ROBO2: variants seen among roughly 807,000 people sequenced by gnomAD.
ROBO2 encodes the protein roundabout guidance receptor 2, also known as roundabout homolog 2.
A neutral mutation model predicts 160.8 loss-of-function variants in ROBO2; 53 were observed. The ratio of observed to expected loss-of-function variants is 0.33; its 90% CI spans 0.26 to 0.41. The LOEUF (loss-of-function observed/expected upper bound fraction) is 0.41, where lower values mean the gene tolerates loss of function less well. ROBO2 is among the 10% of genes least tolerant of loss of function. The pLI is 1.00. For missense variants in ROBO2, 1,577 were observed against 1,722.4 expected (o/e 0.92, Z 1.49); for synonymous variants, 664 against 611.7 (o/e 1.09, Z -1.26).
chr3:76,150,559 C>T (rs966671065), intron 2 of ROBO2, among the ~76,000 whole-genome samples: 13 of 152,178 alleles, frequency 8.5e-5, no homozygotes, highest in Non-Finnish European at 1.6e-4. Context: ...ACGTTTAGCC[C>T]ATTCCCACCT....
In ROBO2 at chr3:76,262,826, A is replaced by G. The variant is rs943454685; in HGVS notation, c.109+325224A>G. Among the ~76,000 whole-genome samples the G allele has an allele frequency of 7.9e-5, 12 of 152,178 alleles. 1 individual carries two copies. Among genetic ancestry groups the G allele is most frequent in the African/African-American group, 2.9e-4 (12 of 41,464 alleles). ...AGAGAATAATCAGGACTTTGGGCTA[A>G]CTACAGAGCAATTATGCTTGGTAGG... On this transcript the variant is annotated intron_variant, in intron 2 of 26. Coordinates refer to the ROBO2 transcript ENST00000487694.
intron 2 of ROBO2, among the ~76,000 whole-genome samples, chr3:76,829,914 C>T (rs1053527089): frequency 3.3e-5 from 5 of 152,278 alleles, no homozygotes; most frequent in African/African-American, 1.2e-4. Flanking sequence ...GTGATCCACT[C>T]GCCTCGGCCT....
chr3:76,666,677 A>C (rs914290616), intron 2 of ROBO2, among the ~76,000 whole-genome samples: 8 of 152,022 alleles, frequency 5.3e-5, no homozygotes, highest in African/African-American at 1.7e-4. Flanking sequence ...TCATCCCACC[A>C]TCAAAACCTT....
intron 2 of ROBO2, among the ~76,000 whole-genome samples, chr3:77,175,064 A>G (rs947775189): frequency 1.3e-5 from 2 of 152,064 alleles, no homozygotes; most frequent in African/African-American, 2.4e-5. Flanking sequence ...TTTATAACTC[A>G]TATTTTTCAT....
chr3:76,377,390 C>T (rs1441102412), intron 2 of ROBO2, among the ~76,000 whole-genome samples: 18 of 152,000 alleles, frequency 1.2e-4, no homozygotes, highest in Admixed American at 1.0e-3. Context: ...AGAGATTGCA[C>T]GATGGTTGTT....
At chr3:77,052,622 G>A (rs1379087488) in intron 1 of ROBO2, among the ~76,000 whole-genome samples, 1 of 152,148 alleles carries the variant, frequency 6.6e-6, no homozygotes, top group Non-Finnish European at 1.5e-5. Flanking sequence ...TTAAAAGCTA[G>A]TTTTTCATGA....
intron 1 of ROBO2, among the ~76,000 whole-genome samples, chr3:75,916,480 TTA>T (rs1946811148): frequency 6.6e-6 from 1 of 152,186 alleles, no homozygotes; most frequent in Non-Finnish European, 1.5e-5. Flanking sequence ...CTACCAAGAA[TTA>T]TACTATATTG....
chr3:76,291,262 A>G (rs891242067), intron 2 of ROBO2, among the ~76,000 whole-genome samples: 1 of 151,884 alleles, frequency 6.6e-6, no homozygotes, highest in East Asian at 1.9e-4. Flanking sequence ...TGTCTTTTTC[A>G]TTGAATTTTG....
At chr3:76,643,665 C>A (rs1456905490) in intron 2 of ROBO2, among the ~76,000 whole-genome samples, 2 of 122,010 alleles carry the variant, frequency 1.6e-5, no homozygotes, top group African/African-American at 6.4e-5. Context: ...TTTATGTCTA[C>A]CCCTGTTTCT....
intron 2 of ROBO2, among the ~76,000 whole-genome samples, chr3:76,318,300 G>A (rs1213529734): frequency 6.6e-6 from 1 of 152,020 alleles, no homozygotes; most frequent in Non-Finnish European, 1.5e-5. Flanking sequence ...AAACGATGTT[G>A]GGAAGCGTAT....
intron 2 of ROBO2, among the ~76,000 whole-genome samples, chr3:76,319,128 T>C (rs2072292804): frequency 6.6e-6 from 1 of 152,154 alleles, no homozygotes; most frequent in African/African-American, 2.4e-5. Context: ...TGAAAAGTTA[T>C]CTTTCAGCCA....
exon 26 of ROBO2, chr3:77,647,221 A>G (rs1376249751): frequency 1.3e-5 from 2 of 152,294 alleles, no homozygotes; most frequent in Non-Finnish European, 2.9e-5. Flanking sequence ...TTAAAAAATA[A>G]TACAGTTTAT....
chr3:76,128,622 A>AGTGAGT (rs1553652817), intron 2 of ROBO2, among the ~76,000 whole-genome samples: 1 of 149,914 alleles, frequency 6.7e-6, no homozygotes, highest in African/African-American at 2.4e-5. Context: ...ATATGATATG[A>AGTGAGT]GTGTGTGTGT....
intron 1 of ROBO2, among the ~76,000 whole-genome samples, chr3:77,060,226 A>G (rs1464963318): frequency 6.6e-6 from 1 of 152,088 alleles, no homozygotes; most frequent in Non-Finnish European, 1.5e-5. Context: ...ACAGATCAGG[A>G]ATGAGGGTTG....
intron 2 of ROBO2, among the ~76,000 whole-genome samples, chr3:76,326,986 T>G (rs1227130192): frequency 6.6e-6 from 1 of 152,126 alleles, no homozygotes; most frequent in Non-Finnish European, 1.5e-5. Flanking sequence ...TTGTATCTTA[T>G]TTTCTTTTAC....
At chr3:76,641,325 T>A (rs930480689) in intron 2 of ROBO2, among the ~76,000 whole-genome samples, 1 of 152,192 alleles carries the variant, frequency 6.6e-6, no homozygotes, top group African/African-American at 2.4e-5. Flanking sequence ...TCAGGTACTC[T>A]TTGATATGAT....
chr3:76,267,921 A>G lies in ROBO2; in HGVS notation c.109+330319A>G, dbSNP rs149564213. 3.5e-3 allele frequency among the ~76,000 whole-genome samples: 538 copies of G among 152,298 alleles called. 6 individuals carry two copies. The highest frequency in any genetic ancestry group is 0.025 in the Admixed American group (381 of 15,284). On this transcript the variant is annotated intron_variant, in intron 2 of 26. Transcript: ENST00000487694. ...TCTTTCTGTACCTCACAGCTGTACT[A>G]TGCTTCACAGAAGTAGCTATGTCCT...
chr3:76,400,245 A>T (rs1385887152), intron 2 of ROBO2, among the ~76,000 whole-genome samples: 5 of 151,638 alleles, frequency 3.3e-5, no homozygotes, highest in Non-Finnish European at 5.9e-5. Context: ...TGAATTGGAG[A>T]AATCAGACTA....
At chr3:77,080,573 G>A (rs552416140) in intron 1 of ROBO2, among the ~76,000 whole-genome samples, 2 of 152,188 alleles carry the variant, frequency 1.3e-5, no homozygotes, top group Admixed American at 1.3e-4. Context: ...ATTTATCAAT[G>A]CCATAATGTT....
Sources: allele counts gnomAD v4.1 joint callset (sites outside exome capture counted in the v4.1 genomes callset), GRCh38; gene constraint gnomAD v4.1.1; transcripts MANE v1.5; gene names NCBI Gene and HGNC (gene_info 2026-07-23, HGNC 2026-07-21).